The following WDR27 variants were observed in gnomAD, a reference collection of about 807,000 sequenced individuals.
The protein encoded by WDR27 is WD repeat-containing protein 27.
WDR27 carries 100 observed loss-of-function variants against 114.4 expected under a neutral mutation model. The ratio of observed to expected loss-of-function variants is 0.87; its 90% confidence interval spans 0.74 to 1.03. The LOEUF (loss-of-function observed/expected upper bound fraction) is 1.03, where lower values mean the gene tolerates loss of function less well. Among genes scored for constraint, WDR27 ranks in the 50% least tolerant of loss-of-function variants. The pLI is 0.00. For missense variants in WDR27, 1,129 were observed against 1,092.9 expected, an observed-to-expected ratio of 1.03 and a Z score of -0.47; for synonymous variants, 449 against 423.1, an observed-to-expected ratio of 1.06 and a Z score of -0.75.
chr6:169,446,949 T>A, the WDR27 span, among the ~76,000 whole-genome samples: 1 of 152,236 alleles, frequency 6.6e-6, no homozygotes, highest in African/African-American at 2.4e-5. Context: ...GAAAAGTTGG[T>A]CTTTCTAAAA....
chr6:169,634,209 G>A (rs894028176), intron 20 of WDR27, among the ~76,000 whole-genome samples: 19 of 152,262 alleles, frequency 1.2e-4, no homozygotes, highest in African/African-American at 3.6e-4. Flanking sequence ...TGAGCTGTAC[G>A]GCACTCAGGT....
intron 16 of WDR27, among the ~76,000 whole-genome samples, chr6:169,645,023 T>TAAAAAAAAAAATAAAA (rs1820200961): frequency 1.1e-4 from 5 of 46,984 alleles, no homozygotes; most frequent in East Asian, 8.8e-4. Context: ...AAAAAAAAAA[T>TAAAAAAAAAAATAAAA]AAAAAAAAAA....
chr6:169,647,718 G>A, intron 16 of WDR27, 55 bp downstream of exon 16: 1 of 1,367,146 alleles, frequency 7.3e-7, no homozygotes, highest in Non-Finnish European at 1.0e-6. Flanking sequence ...ACAGTGGGCA[G>A]AATCAAAGAC....
chr6:169,452,402 C>T (rs1183270173), downstream of WDR27, among the ~76,000 whole-genome samples: 1 of 152,248 alleles, frequency 6.6e-6, no homozygotes. Context: ...GTCCTTTGTA[C>T]GTAACAGAAG....
intron 2 of WDR27, among the ~76,000 whole-genome samples, chr6:169,681,285 C>T (rs778328169): frequency 6.6e-6 from 1 of 152,226 alleles, no homozygotes; most frequent in African/African-American, 2.4e-5. Flanking sequence ...AAGTATCGGA[C>T]ATCACCAAGC....
Position 169,499,006 on chromosome 6 carries a change from C to G in WDR27, c.2646-41372G>C, listed in dbSNP as rs113039716. 6.4e-3 allele frequency among the ~76,000 whole-genome samples: 976 copies of G among 152,274 alleles called. 4 individuals carry two copies. The highest frequency in any genetic ancestry group is 9.5e-3 in the Non-Finnish European group (643 of 68,036). ...GTACGAGTCAAAAGGAAAATGTGAA[C>G]AAGAGCATCAGATTATGTCAACAGC... On this transcript the variant is annotated intron_variant, in intron 25 of 25. Coordinates refer to ENST00000448612, the MANE Select transcript of WDR27 (RefSeq NM_182552.5).
At chr6:169,447,995 T>C in the WDR27 span, among the ~76,000 whole-genome samples, 6 of 152,374 alleles carry the variant, frequency 3.9e-5, no homozygotes, top group East Asian at 1.2e-3. Context: ...GAATTTATAC[T>C]AAATCTACTC....
chr6:169,547,023 A>G (rs1431140597), intron 25 of WDR27, among the ~76,000 whole-genome samples: 1 of 152,202 alleles, frequency 6.6e-6, no homozygotes, highest in Non-Finnish European at 1.5e-5. Flanking sequence ...TATAATATAA[A>G]AAAGATAAAA....
intron 23 of WDR27, among the ~76,000 whole-genome samples, chr6:169,585,410 A>G (rs1032133225): frequency 3.9e-5 from 6 of 152,220 alleles, no homozygotes; most frequent in Admixed American, 3.9e-4. Flanking sequence ...TCAATGACTA[A>G]GCAGGTTTTG....
intron 25 of WDR27, among the ~76,000 whole-genome samples, chr6:169,550,545 G>A (rs1200587958): frequency 6.7e-6 from 1 of 149,762 alleles, no homozygotes; most frequent in Non-Finnish European, 1.5e-5. Context: ...TCAGCCACCT[G>A]AGTAGCTAGG....
intron 25 of WDR27, among the ~76,000 whole-genome samples, chr6:169,502,639 G>A (rs939727225): frequency 2.0e-5 from 3 of 152,066 alleles, no homozygotes; most frequent in African/African-American, 7.2e-5. Flanking sequence ...CTTCGGAGGC[G>A]GAAGCGTCTC....
intron 25 of WDR27, among the ~76,000 whole-genome samples, chr6:169,499,759 G>A (rs1334459197): frequency 6.6e-6 from 1 of 152,200 alleles, no homozygotes; most frequent in Non-Finnish European, 1.5e-5. Context: ...ACCCTGCCAA[G>A]TGGGCCACCT....
intron 25 of WDR27, among the ~76,000 whole-genome samples, chr6:169,504,360 TG>T (rs1791735967): frequency 6.6e-6 from 1 of 152,178 alleles, no homozygotes; most frequent in South Asian, 2.1e-4. Flanking sequence ...TGGAGATAAC[TG>T]AATCATGGGG....
chr6:169,482,376 T>A (rs1384944584), intron 25 of WDR27, among the ~76,000 whole-genome samples: 1 of 152,244 alleles, frequency 6.6e-6, no homozygotes, highest in Non-Finnish European at 1.5e-5. Context: ...ATCACCACAC[T>A]GTCTTCCACA....
At chr6:169,635,813 A>G (rs1817546161) in intron 19 of WDR27, among the ~76,000 whole-genome samples, 1 of 152,228 alleles carries the variant, frequency 6.6e-6, no homozygotes, top group Admixed American at 6.5e-5. Context: ...ACATGAATAC[A>G]CAGAGATACA....
chr6:169,658,196 G>T, intron 13 of WDR27, 80 bp downstream of exon 13: 1 of 1,122,264 alleles, frequency 8.9e-7, no homozygotes. Flanking sequence ...ATAAGAATTC[G>T]CAAAGCAATG....
At chr6:169,448,957 TTC>T in the WDR27 span, among the ~76,000 whole-genome samples, 4 of 152,190 alleles carry the variant, frequency 2.6e-5, no homozygotes, top group South Asian at 2.1e-4. Context: ...CTTCCACCCT[TTC>T]TGTTTCCTTA....
intron 9 of WDR27, among the ~76,000 whole-genome samples, chr6:169,661,919 C>G (rs1349827441): frequency 6.6e-6 from 1 of 152,192 alleles, no homozygotes; most frequent in East Asian, 1.9e-4. Context: ...TTCTACTGAG[C>G]ACAGAAATAA....
chr6:169,539,672 C>A (rs1796609413), intron 25 of WDR27, among the ~76,000 whole-genome samples: 1 of 152,284 alleles, frequency 6.6e-6, no homozygotes, highest in Non-Finnish European at 1.5e-5. Flanking sequence ...ACTGACGATG[C>A]TGGGTGCTGT....
Sources: allele counts gnomAD v4.1 joint callset (sites outside exome capture counted in the v4.1 genomes callset), GRCh38; gene constraint gnomAD v4.1.1; transcripts MANE v1.5; gene names NCBI Gene and HGNC (gene_info 2026-07-23, HGNC 2026-07-21).